The following VWC2L variants were observed in gnomAD, a reference collection of about 807,000 sequenced individuals.
The protein encoded by VWC2L is von Willebrand factor C domain containing 2 like.
In VWC2L, 10 loss-of-function variants were observed where a neutral mutation model predicts 21.6. That is an observed-to-expected ratio of 0.46 (90% CI 0.29 to 0.78). VWC2L has a LOEUF of 0.78. VWC2L is among the 30% of genes least tolerant of loss of function. The pLI, the probability that VWC2L is intolerant of heterozygous loss-of-function variation, is 0.10. For missense variants in VWC2L, 209 were observed against 277.1 expected (o/e 0.75, Z 1.74); for synonymous variants, 96 against 94.3 (o/e 1.02, Z -0.10).
intron 3 of VWC2L, among the ~76,000 whole-genome samples, chr2:214,490,305 C>T (rs1688728577): frequency 6.6e-6 from 1 of 151,280 alleles, no homozygotes; most frequent in Admixed American, 6.6e-5. Context: ...GGAATAGACA[C>T]ATTTTTTAAA....
rs142682868 is a variant in VWC2L at position 214,472,286 on chromosome 2, T to C, written c.520+35528T>C. The C allele has an allele frequency of 2.0e-4, 31 of 152,266 alleles. No individual in the cohort carries two copies. The East Asian group carries it at 5.8e-3, about 28-fold the overall frequency. The allele number at this position is 152,266 out of a possible 1,614,324, so 9.4% of individuals were successfully genotyped here. On this transcript the variant is annotated intron_variant, in intron 3 of 3. Transcript: ENST00000312504. ...GATAGATATCATTAGAGTCACAAGATAGTGAAAGCGAGTGGCTCCCCAAGG... is the reference window on the plus strand; with the variant it reads ...GATAGATATCATTAGAGTCACAAGACAGTGAAAGCGAGTGGCTCCCCAAGG...
At chr2:214,556,106 A>G (rs554788639) in intron 3 of VWC2L, among the ~76,000 whole-genome samples, 21 of 152,128 alleles carry the variant, frequency 1.4e-4, no homozygotes, top group Non-Finnish European at 1.9e-4. Flanking sequence ...AAAAATAAAT[A>G]TAAATTAGCT....
At chr2:214,523,880 C>A (rs1181229775) in intron 3 of VWC2L, among the ~76,000 whole-genome samples, 1 of 152,058 alleles carries the variant, frequency 6.6e-6, no homozygotes, top group African/African-American at 2.4e-5. Context: ...TTAAAAGACT[C>A]AAATCCTGAC....
intron 3 of VWC2L, among the ~76,000 whole-genome samples, chr2:214,514,957 G>A (rs897079676): frequency 6.6e-6 from 1 of 152,098 alleles, no homozygotes; most frequent in African/African-American, 2.4e-5. Flanking sequence ...CATTTAAAAG[G>A]ATAAAATACA....
intron 3 of VWC2L, among the ~76,000 whole-genome samples, chr2:214,453,174 T>C (rs1280456508): frequency 4.6e-5 from 7 of 152,218 alleles, no homozygotes; most frequent in African/African-American, 1.2e-4. Flanking sequence ...TCCTTTGTTT[T>C]CTCCTATTAA....
chr2:214,510,161 G>A (rs1207804045), intron 3 of VWC2L: 2 of 152,064 alleles, frequency 1.3e-5, no homozygotes, highest in East Asian at 3.9e-4. Flanking sequence ...CAGAAAGCCA[G>A]TTGATACTCA....
chr2:214,519,731 C>G (rs1325674119), intron 3 of VWC2L, among the ~76,000 whole-genome samples: 5 of 152,086 alleles, frequency 3.3e-5, no homozygotes, highest in African/African-American at 4.8e-5. Flanking sequence ...GTGATGGTCC[C>G]ATTTTCTCCC....
intron 3 of VWC2L, among the ~76,000 whole-genome samples, chr2:214,459,800 C>T (rs1703111922): frequency 6.6e-6 from 1 of 151,878 alleles, no homozygotes. Context: ...TTCTTATGAC[C>T]TGTACAGTCT....
At chr2:214,568,178 T>A (rs1437784008) in intron 3 of VWC2L, among the ~76,000 whole-genome samples, 2 of 152,202 alleles carry the variant, frequency 1.3e-5, no homozygotes, top group Non-Finnish European at 2.9e-5. Flanking sequence ...AACCACTTTT[T>A]AGCAATATAG....
intron 3 of VWC2L, among the ~76,000 whole-genome samples, chr2:214,534,966 TG>T (rs1325416578): frequency 6.6e-6 from 1 of 152,116 alleles, no homozygotes; most frequent in Non-Finnish European, 1.5e-5. Context: ...GTTAAGTCTC[TG>T]GACTGCCTGA....
intron 2 of VWC2L, among the ~76,000 whole-genome samples, chr2:214,418,456 T>C (rs1702388209): frequency 6.6e-6 from 1 of 151,928 alleles, no homozygotes; most frequent in Non-Finnish European, 1.5e-5. Context: ...CCACTTCTAG[T>C]GATCTACCCC....
At chr2:214,547,618 G>C (rs892727439) in intron 3 of VWC2L, among the ~76,000 whole-genome samples, 4 of 152,114 alleles carry the variant, frequency 2.6e-5, no homozygotes, top group African/African-American at 9.7e-5. Context: ...ACTTATTCAA[G>C]ATCATTATAG....
chr2:214,543,114 C>G (rs1390338173), intron 3 of VWC2L, among the ~76,000 whole-genome samples: 1 of 152,180 alleles, frequency 6.6e-6, no homozygotes, highest in Non-Finnish European at 1.5e-5. Context: ...ATGACAGCAT[C>G]TCTTTTAGGT....
intron 2 of VWC2L, among the ~76,000 whole-genome samples, chr2:214,420,054 G>C (rs1399420090): frequency 6.6e-6 from 1 of 151,942 alleles, no homozygotes; most frequent in Non-Finnish European, 1.5e-5. Context: ...AGGAGACTCT[G>C]TTCCAAAAAA....
chr2:214,492,971 C>A (rs765419495), intron 3 of VWC2L, among the ~76,000 whole-genome samples: 1 of 152,070 alleles, frequency 6.6e-6, no homozygotes, highest in African/African-American at 2.4e-5. Context: ...CCTGGCCAAG[C>A]GTTTATCAAT....
At chr2:214,454,345 G>A (rs372708601) in intron 3 of VWC2L, among the ~76,000 whole-genome samples, 2 of 151,918 alleles carry the variant, frequency 1.3e-5, no homozygotes, top group East Asian at 1.9e-4. Context: ...ACATTCTTAC[G>A]TTGTTCTGAT....
At chr2:214,505,090 C>G (rs901541208) in intron 3 of VWC2L, among the ~76,000 whole-genome samples, 8 of 152,198 alleles carry the variant, frequency 5.3e-5, no homozygotes, top group Non-Finnish European at 1.0e-4. Context: ...TTCTCAAGGA[C>G]AGTGTTGATT....
intron 3 of VWC2L, among the ~76,000 whole-genome samples, chr2:214,554,377 G>A (rs548152867): frequency 1.3e-5 from 2 of 152,038 alleles, no homozygotes; most frequent in South Asian, 2.1e-4. Context: ...AGAAAGACAG[G>A]TGTTTTGGGG....
chr2:214,561,337 C>T (rs963957928), intron 3 of VWC2L, among the ~76,000 whole-genome samples: 1 of 152,194 alleles, frequency 6.6e-6, no homozygotes, highest in African/African-American at 2.4e-5. Flanking sequence ...TTGGTTTCCT[C>T]TTGGCCACCT....
Sources: gnomAD v4.1 joint callset for allele counts (sites outside exome capture counted in the v4.1 genomes callset) on GRCh38, gnomAD v4.1.1 for gene constraint, MANE v1.5 for transcripts, NCBI Gene and HGNC (gene_info 2026-07-23, HGNC 2026-07-21) for gene names.